RBFOX1: variants seen among roughly 807,000 people sequenced by gnomAD.
The protein encoded by RBFOX1 is RNA binding fox-1 homolog 1, also known as RNA binding protein fox-1 homolog 1.
A neutral mutation model predicts 57.7 loss-of-function variants in RBFOX1; 8 were observed. The observed-to-expected ratio is 0.14, with a 90% CI of 0.08 to 0.25. The LOEUF (loss-of-function observed/expected upper bound fraction) is 0.25. Among genes scored for constraint, RBFOX1 ranks in the 10% least tolerant of loss-of-function variants. The pLI is 1.00. For missense variants in RBFOX1, 611 were observed against 548.5 expected (o/e 1.11, Z -1.14); for synonymous variants, 326 against 222.4 (o/e 1.47, Z -4.15).
chr16:5,830,827 G>T (rs1319663096), intron 3 of RBFOX1, among the ~76,000 whole-genome samples: 1 of 152,128 alleles, frequency 6.6e-6, no homozygotes, highest in Non-Finnish European at 1.5e-5. Context: ...TCTTCAGACT[G>T]TGTTCAGGCT....
chr16:5,892,591 C>T (rs1419078772), intron 4 of RBFOX1, among the ~76,000 whole-genome samples: 1 of 152,108 alleles, frequency 6.6e-6, no homozygotes, highest in African/African-American at 2.4e-5. Flanking sequence ...GCAATAACCA[C>T]TTTTTTTGTG....
chr16:5,402,746 A>G (rs1042624002), intron 1 of RBFOX1, among the ~76,000 whole-genome samples: 4 of 152,132 alleles, frequency 2.6e-5, no homozygotes, highest in African/African-American at 9.7e-5. Flanking sequence ...AAGTGTGTTA[A>G]TCTCAGCCCT....
At chr16:7,362,011 G>C (rs1568414922) in intron 4 of RBFOX1, among the ~76,000 whole-genome samples, 1 of 151,458 alleles carries the variant, frequency 6.6e-6, no homozygotes, top group Non-Finnish European at 1.5e-5. Flanking sequence ...GTATGATTAT[G>C]TATATATGTT....
intron 2 of RBFOX1, among the ~76,000 whole-genome samples, chr16:5,484,885 G>C (rs2069671718): frequency 6.7e-6 from 1 of 149,686 alleles, no homozygotes; most frequent in Admixed American, 6.6e-5. Flanking sequence ...GACATAGTGA[G>C]ACTCCATCCA....
chr16:7,467,213 A>G (rs1567324506), intron 4 of RBFOX1, among the ~76,000 whole-genome samples: 1 of 152,220 alleles, frequency 6.6e-6, no homozygotes, highest in Non-Finnish European at 1.5e-5. Context: ...TGAGTTAAGC[A>G]TAATGACACG....
At chr16:6,682,088 G>C (rs1039622040) in intron 3 of RBFOX1, among the ~76,000 whole-genome samples, 1 of 152,182 alleles carries the variant, frequency 6.6e-6, no homozygotes, top group Admixed American at 6.5e-5. Context: ...AGAACAAAAT[G>C]TCACGATTCT....
At chr16:6,208,954 C>G (rs1156600760) in intron 1 of RBFOX1, among the ~76,000 whole-genome samples, 2 of 152,126 alleles carry the variant, frequency 1.3e-5, no homozygotes, top group Non-Finnish European at 2.9e-5. Context: ...CTCACTTCCC[C>G]CATTTTTTTT....
intron 3 of RBFOX1, among the ~76,000 whole-genome samples, chr16:6,665,158 T>C (rs1379484251): frequency 6.6e-6 from 1 of 152,204 alleles, no homozygotes; most frequent in Non-Finnish European, 1.5e-5. Flanking sequence ...AACTCCCACC[T>C]GTGGAGAAAA....
intron 4 of RBFOX1, among the ~76,000 whole-genome samples, chr16:5,938,346 G>A (rs1410158704): frequency 6.6e-6 from 1 of 152,088 alleles, no homozygotes; most frequent in African/African-American, 2.4e-5. Context: ...CGTTGCTGAT[G>A]GAATTTCAAT....
rs2098625653 is a variant in RBFOX1 at position 6,653,998 on chromosome 16, T to C, written c.-63-605T>C. Among the ~76,000 whole-genome samples, 6 of 131,190 alleles carry C rather than the reference T, an allele frequency of 4.6e-5. No individual in the cohort carries two copies. The Admixed American group carries it at 4.7e-4, about 10-fold the overall frequency. The allele number at this position is 131,190 out of a possible 152,430, so 86.1% of individuals were successfully genotyped here. On this transcript the variant is annotated intron_variant, in intron 2 of 15. Coordinates refer to ENST00000550418, the MANE Select transcript of RBFOX1 (RefSeq NM_018723.4). ...ATGGATGGATGGATGGATGGATGGA[T>C]GGATGGATAGAGGAAGGGTGGGTGG...
intron 1 of RBFOX1, among the ~76,000 whole-genome samples, chr16:6,314,389 A>G (rs2080813355): frequency 6.6e-6 from 1 of 152,226 alleles, no homozygotes. Flanking sequence ...TGATAGAAGA[A>G]TATGCCAATG....
In RBFOX1 at chr16:7,315,073, T is replaced by C. The variant is rs533394214; in HGVS notation, c.28-203074T>C. On this transcript the variant is annotated intron_variant, in intron 4 of 15. Coordinates refer to ENST00000550418, the MANE Select transcript of RBFOX1 (RefSeq NM_018723.4). ...GGAGCCCTCAATCAATCTTTCAAGATACCAGCAGAGAAAAGCTCTTTTTTT... is the reference window on the plus strand; with the variant it reads ...GGAGCCCTCAATCAATCTTTCAAGACACCAGCAGAGAAAAGCTCTTTTTTT... Among the ~76,000 whole-genome samples the C allele has an allele frequency of 7.7e-4, 107 of 139,244 alleles. 1 individual carries two copies. The highest frequency in any genetic ancestry group is 1.8e-4 in the Non-Finnish European group (12 of 65,378). 91.3% of individuals were successfully genotyped at this position (139,244 alleles called of 152,430 possible). A position where few individuals can be genotyped will look rare whatever the true frequency, so the allele number is the denominator to read the frequency against.
At chr16:7,025,156 G>T (rs1439148708) in intron 3 of RBFOX1, among the ~76,000 whole-genome samples, 2 of 152,180 alleles carry the variant, frequency 1.3e-5, no homozygotes, top group Non-Finnish European at 2.9e-5. Flanking sequence ...CCTGAAGGCT[G>T]CTGCCTGCCC....
intron 3 of RBFOX1, among the ~76,000 whole-genome samples, chr16:6,928,332 G>GGGGC (rs957989864): frequency 2.6e-5 from 4 of 152,280 alleles, no homozygotes; most frequent in African/African-American, 9.6e-5. Flanking sequence ...GGAGGAAGAC[G>GGGGC]GGGCGGGGAA....
intron 3 of RBFOX1, among the ~76,000 whole-genome samples, chr16:6,891,836 A>T (rs1201076890): frequency 6.6e-6 from 1 of 152,206 alleles, no homozygotes; most frequent in East Asian, 1.9e-4. Context: ...TTGGCATATG[A>T]TACCATTATA....
At chr16:5,906,175 AG>A (rs2058450714) in intron 4 of RBFOX1, among the ~76,000 whole-genome samples, 1 of 152,178 alleles carries the variant, frequency 6.6e-6, no homozygotes. Context: ...GTGAAGTCCT[AG>A]GCCTCAGTGC....
intron 3 of RBFOX1, among the ~76,000 whole-genome samples, chr16:5,749,961 G>C (rs2053131581): frequency 6.6e-6 from 1 of 152,120 alleles, no homozygotes; most frequent in African/African-American, 2.4e-5. Context: ...AGAATTTTCA[G>C]CTTTTCTGCT....
intron 2 of RBFOX1, among the ~76,000 whole-genome samples, chr16:5,495,449 C>T (rs927473179): frequency 2.0e-5 from 3 of 152,198 alleles, no homozygotes; most frequent in Admixed American, 6.5e-5. Context: ...ATCCAGTCAC[C>T]TCCTACCAGG....
chr16:7,175,816 G>A (rs1279918059), intron 4 of RBFOX1, among the ~76,000 whole-genome samples: 2 of 152,238 alleles, frequency 1.3e-5, no homozygotes, highest in East Asian at 1.9e-4. Context: ...TTTCTCAGCT[G>A]GGTTGCAGTA....
Sources: gnomAD v4.1 joint callset for allele counts (sites outside exome capture counted in the v4.1 genomes callset) on GRCh38, gnomAD v4.1.1 for gene constraint, MANE v1.5 for transcripts, NCBI Gene and HGNC (gene_info 2026-07-23, HGNC 2026-07-21) for gene names.